Variants in LEMD1 observed in about 807,000 individuals in gnomAD.
The protein encoded by LEMD1 is LEM domain-containing protein 1.
A neutral mutation model predicts 17.4 loss-of-function variants in LEMD1; 18 were observed. The observed-to-expected ratio is 1.04, with a 90% CI of 0.72 to 1.54. The LOEUF (loss-of-function observed/expected upper bound fraction) is 1.54, where lower values mean the gene tolerates loss of function less well. LEMD1 is among the 40% of genes most tolerant of loss of function. The pLI, the probability that LEMD1 is intolerant of heterozygous loss-of-function variation, is 0.00. For synonymous variants in LEMD1, 88 were observed against 77.8 expected, an observed-to-expected ratio of 1.13 and a Z score of -0.69; for missense variants, 195 against 210.4, an observed-to-expected ratio of 0.93 and a Z score of 0.45.
intron 4 of LEMD1, chr1:205,386,164 CA>C (rs1664001972): frequency 6.6e-6 from 1 of 152,524 alleles, no homozygotes; most frequent in Non-Finnish European, 1.5e-5. Flanking sequence ...ATGGCAGGCC[CA>C]AGGGTCCCAG....
rs759254354 is a variant in LEMD1 at position 205,420,511 on chromosome 1, T to C, written c.26A>G (p.Asp9Gly). Residue 9 changes from aspartate to glycine, a missense_variant, in exon 2 of 6, where the codon GAC (aspartate) becomes GGC (glycine). Asp to Gly is a moderately conservative substitution (Grantham distance 94). Coordinates refer to ENST00000367153, the MANE Select transcript of LEMD1 (RefSeq NM_001199050.2). Reference sequence around the variant, plus strand: ...CTCAAGTTGGTTCTGCAATTTACAGTCACTCAGACACTTCACATCCACCAT... The same window carrying C: ...CTCAAGTTGGTTCTGCAATTTACAGCCACTCAGACACTTCACATCCACCAT... MVDVKCLS[D>G]CKLQNQLEKL... 1.9e-6 allele frequency: 3 copies of C among 1,613,952 alleles called. No individual in the cohort carries two copies. Among genetic ancestry groups the C allele is most frequent in the African/African-American group, 2.7e-5 (2 of 74,934 alleles).
chr1:205,434,464 T>C (rs1666174045), intron 1 of LEMD1, among the ~76,000 whole-genome samples: 2 of 151,934 alleles, frequency 1.3e-5, no homozygotes, highest in East Asian at 3.9e-4. Context: ...CTCACAGGCA[T>C]GAACCACTGC....
intron 4 of LEMD1, among the ~76,000 whole-genome samples, chr1:205,392,225 G>T (rs1032617378): frequency 1.3e-5 from 2 of 152,148 alleles, no homozygotes; most frequent in Non-Finnish European, 2.9e-5. Context: ...TAAAGCAGCT[G>T]TCATAAAATG....
In LEMD1 at chr1:205,443,702, T is replaced by TA. The variant is rs560328235; in HGVS notation, c.-39+6165dup. 2.2e-4 allele frequency among the ~76,000 whole-genome samples: 33 copies of TA among 152,326 alleles called. 1 individual carries two copies. The East Asian group carries it at 5.8e-3, about 27-fold the overall frequency. On this transcript the variant is annotated intron_variant, in intron 1 of 3. Coordinates refer to the LEMD1 transcript ENST00000367154. ...CCTTCCTCTTCTCTAACAGGGTCTCTAAAAGGGTCCTCACTGTAAGGTGCA... is the reference window on the plus strand; with the variant it reads ...CCTTCCTCTTCTCTAACAGGGTCTCTAAAAAGGGTCCTCACTGTAAGGTGCA...
chr1:205,390,304 G>A (rs1276118620), intron 4 of LEMD1, among the ~76,000 whole-genome samples: 2 of 151,464 alleles, frequency 1.3e-5, no homozygotes, highest in African/African-American at 2.4e-5. Context: ...GCAGTGAGCC[G>A]AGATTACGCC....
At chr1:205,390,124 TCA>T (rs1664260523) in intron 4 of LEMD1, among the ~76,000 whole-genome samples, 1 of 151,858 alleles carries the variant, frequency 6.6e-6, no homozygotes, top group African/African-American at 2.4e-5. Context: ...GGAGGACGAG[TCA>T]GGTGGATCAC....
intron 4 of LEMD1, among the ~76,000 whole-genome samples, chr1:205,408,641 G>C (rs1342097428): frequency 6.6e-6 from 1 of 151,772 alleles, no homozygotes; most frequent in Non-Finnish European, 1.5e-5. Flanking sequence ...GGGACCACAG[G>C]TGCACACCAC....
In LEMD1 at chr1:205,384,300, G is replaced by C. The variant is rs1209758657; in HGVS notation, c.335C>G (p.Ser112Cys). ...VDTYCLDYKPSKGRRWAARAP... is the reference protein window; with the variant it reads ...VDTYCLDYKPCKGRRWAARAP... The stretch of plus-strand genomic sequence containing the variant: ...AAAACATCATTACCTTCTTCCCTTG[G>C]AAGGCTTATAATCCAAGCAATAGGT... The change falls in exon 5 of 6, where the codon TCC (serine) becomes TGC (cysteine). Residue 112 changes from serine to cysteine, a missense_variant. Transcript: ENST00000367153. 2 of 1,504,494 alleles carry C rather than the reference G, an allele frequency of 1.3e-6. No individual in the cohort carries two copies. The highest frequency in any genetic ancestry group is 2.8e-5 in the African/African-American group (2 of 70,688). 93.2% of individuals were successfully genotyped at this position (1,504,494 alleles called of 1,614,324 possible). A position where few individuals can be genotyped will look rare whatever the true frequency, so the allele number is the denominator to read the frequency against.
chr1:205,424,794 A>T (rs147142581), upstream of LEMD1, among the ~76,000 whole-genome samples: 14 of 152,332 alleles, frequency 9.2e-5, no homozygotes, highest in African/African-American at 3.4e-4. Flanking sequence ...GGTGTGTCAC[A>T]CTAAGGGCTC....
At chr1:205,438,472 C>T (rs1311882053) in intron 1 of LEMD1, among the ~76,000 whole-genome samples, 1 of 152,252 alleles carries the variant, frequency 6.6e-6, no homozygotes, top group African/African-American at 2.4e-5. Context: ...CTGCTTTGGC[C>T]TTTCCCTATT....
At chr1:205,417,730 G>A (rs1665758894) in intron 3 of LEMD1, among the ~76,000 whole-genome samples, 2 of 151,814 alleles carry the variant, frequency 1.3e-5, no homozygotes, top group African/African-American at 4.8e-5. Flanking sequence ...CTCCAATGTC[G>A]GGATTACAGG....
intron 4 of LEMD1, among the ~76,000 whole-genome samples, chr1:205,388,173 A>G (rs184241055): frequency 2.0e-5 from 3 of 151,978 alleles, no homozygotes; most frequent in East Asian, 3.9e-4. Context: ...TGGGCATTTA[A>G]CATACTTCAA....
intron 4 of LEMD1, among the ~76,000 whole-genome samples, chr1:205,402,024 G>A (rs1230755634): frequency 9.2e-5 from 14 of 152,026 alleles, no homozygotes; most frequent in East Asian, 3.9e-4. Context: ...GATATGCGGC[G>A]TTATTTCTGA....
chr1:205,394,367 TTTAATTAATTAA>T (rs139263580), intron 4 of LEMD1, among the ~76,000 whole-genome samples: 1 of 149,632 alleles, frequency 6.7e-6, no homozygotes, highest in African/African-American at 2.5e-5. Context: ...TATTTGTTTA[TTTAATTAATTAA>T]TTAATTAATT....
At position 205,416,209 on chromosome 1, in the gene LEMD1, T is replaced by A. The variant is rs557290880; in HGVS notation, c.270+23A>T. 70 of 1,457,742 alleles carry A rather than the reference T, an allele frequency of 4.8e-5. No homozygotes were observed. In the African/African-American group the frequency reaches 9.3e-4, roughly 19 times the overall value. The allele number at this position is 1,457,742 out of a possible 1,614,324, so 90.3% of individuals were successfully genotyped here. Reference sequence around the variant, plus strand: ...GTTTTTAATATATGGGTATAAGTATTCAGGCATTAGAATGGTACATACTTT... The same window carrying A: ...GTTTTTAATATATGGGTATAAGTATACAGGCATTAGAATGGTACATACTTT... On this transcript the variant is annotated intron_variant, in intron 4 of 5. Transcript: ENST00000367153.
At chr1:205,387,854 A>G (rs1019860706) in intron 4 of LEMD1, among the ~76,000 whole-genome samples, 3 of 152,240 alleles carry the variant, frequency 2.0e-5, no homozygotes, top group African/African-American at 7.2e-5. Context: ...ACAAACTGTG[A>G]CTGTCTCACT....
chr1:205,440,154 C>T (rs943948506), intron 1 of LEMD1, among the ~76,000 whole-genome samples: 3 of 152,172 alleles, frequency 2.0e-5, no homozygotes, highest in Non-Finnish European at 1.5e-5. Context: ...AGTCTGGCCA[C>T]GGCAAGACAG....
chr1:205,428,819 G>A (rs1186512412), intron 1 of LEMD1, among the ~76,000 whole-genome samples: 1 of 152,082 alleles, frequency 6.6e-6, no homozygotes, highest in Non-Finnish European at 1.5e-5. Flanking sequence ...AGAAGGGAGA[G>A]TCAATAGGAT....
intron 4 of LEMD1, among the ~76,000 whole-genome samples, chr1:205,398,448 A>G (rs1471644668): frequency 1.3e-5 from 2 of 152,254 alleles, no homozygotes. Flanking sequence ...TCTCATAAGC[A>G]ACAATAGAAA....
Sources: allele counts gnomAD v4.1 joint callset (sites outside exome capture counted in the v4.1 genomes callset), GRCh38; gene constraint gnomAD v4.1.1; transcripts MANE v1.5; gene names NCBI Gene and HGNC (gene_info 2026-07-23, HGNC 2026-07-21).